Variants in CFAP47 observed in about 807,000 individuals in gnomAD.
CFAP47 encodes cilia and flagella associated protein 47.
In CFAP47, 29 loss-of-function variants were observed where a neutral mutation model predicts 148.1. The observed-to-expected ratio is 0.20, with a 90% confidence interval of 0.15 to 0.27. CFAP47 has a LOEUF of 0.27. CFAP47 is among the 10% of genes least tolerant of loss of function. CFAP47 has a pLI of 1.00. For synonymous variants in CFAP47, 664 were observed against 577.3 expected (o/e 1.15, Z -2.15); for missense variants, 1,872 against 1,697.5 (o/e 1.10, Z -1.81).
rs782517838 is a variant in CFAP47 at position 36,375,289 on chromosome X, A to T, written c.9186-4061A>T. ...CGCCTTTTGATTTCCTATTTGACCT[A>T]TTGGTTGTTCAGGTGCGTGTTAATT... On this transcript the variant is annotated intron_variant, in intron 62 of 63. Transcript: ENST00000378653. The T allele has an allele frequency of 1.3e-4, 21 of 163,177 alleles. 1 individual carries two copies. The Admixed American group carries it at 1.6e-3, about 13-fold the overall frequency. The allele number at this position is 163,177 out of a possible 1,213,427, so 13.4% of individuals were successfully genotyped here. A position where few individuals can be genotyped will look rare whatever the true frequency, so the allele number is the denominator to read the frequency against.
At chrX:36,375,128 CT>C in intron 62 of CFAP47, 1 of 347,566 alleles carries the variant, frequency 2.9e-6, no homozygotes, top group Non-Finnish European at 5.3e-6. Flanking sequence ...GTTTGCCTCT[CT>C]TTTCTGCATG....
At chrX:36,300,727 T>A (rs1390342128) in intron 52 of CFAP47, among the ~76,000 whole-genome samples, 2 of 112,290 alleles carry the variant, frequency 1.8e-5, no homozygotes, top group African/African-American at 3.2e-5. Flanking sequence ...CAACTAAAAC[T>A]AAATTTGACT....
intron 22 of CFAP47, among the ~76,000 whole-genome samples, chrX:36,022,831 T>A (rs2146711896): frequency 8.9e-6 from 1 of 111,763 alleles, no homozygotes; most frequent in African/African-American, 3.2e-5. Context: ...TCCGTCTCTT[T>A]GTTAATCTTA....
At chrX:36,180,670 A>G (rs1481082625) in intron 40 of CFAP47, among the ~76,000 whole-genome samples, 1 of 112,332 alleles carries the variant, frequency 8.9e-6, no homozygotes. Context: ...TATGAGTTGC[A>G]TCTATTATGA....
intron 11 of CFAP47, 84 bp from the exon 12 acceptor site, chrX:35,971,502 C>A: frequency 1.6e-6 from 1 of 616,780 alleles, no homozygotes; most frequent in African/African-American, 2.3e-5. Flanking sequence ...GCAATATGCA[C>A]TATGGGAAAG....
At chrX:36,243,647 G>GTGTGTATATATATA (rs1179341078) in intron 48 of CFAP47, among the ~76,000 whole-genome samples, 1 of 64,232 alleles carries the variant, frequency 1.6e-5, no homozygotes, top group Admixed American at 1.9e-4. Flanking sequence ...ATATGTGTGT[G>GTGTGTATATATATA]TATATATATA....
chrX:35,951,500 AT>A, intron 5 of CFAP47, 141 bp downstream of exon 5: 1 of 506,007 alleles, frequency 2.0e-6, no homozygotes. Context: ...TGTGTATCCA[AT>A]AGCAACCTCA....
intron 49 of CFAP47, among the ~76,000 whole-genome samples, chrX:36,264,397 C>T (rs1940866381): frequency 8.9e-6 from 1 of 111,874 alleles, no homozygotes; most frequent in African/African-American, 3.3e-5. Context: ...CAGTTTATCC[C>T]TTGGTTGCAA....
intron 3 of CFAP47, among the ~76,000 whole-genome samples, chrX:35,946,467 C>G (rs1463734957): frequency 9.0e-6 from 1 of 111,000 alleles, no homozygotes; most frequent in African/African-American, 3.3e-5. Context: ...ATTTATATAC[C>G]TTTTTTTCTT....
At chrX:36,379,673 C>T in intron 63 of CFAP47, 155 bp downstream of exon 63, 1 of 464,139 alleles carries the variant, frequency 2.2e-6, no homozygotes, top group Non-Finnish European at 3.7e-6. Flanking sequence ...TCTTGGTTTA[C>T]CTTTCTTTTG....
intron 49 of CFAP47, among the ~76,000 whole-genome samples, chrX:36,261,237 C>T (rs782070679): frequency 2.0e-5 from 2 of 102,042 alleles, no homozygotes; most frequent in African/African-American, 7.3e-5. Flanking sequence ...CTTATTAAAA[C>T]ACCTGCTATG....
At chrX:36,101,108 G>T (rs1938368783) in intron 32 of CFAP47, among the ~76,000 whole-genome samples, 1 of 111,314 alleles carries the variant, frequency 9.0e-6, no homozygotes, top group Non-Finnish European at 1.9e-5. Flanking sequence ...GAGTATTCTT[G>T]TGCAAAAATT....
chrX:36,055,776 A>G (rs1390710878), intron 26 of CFAP47, among the ~76,000 whole-genome samples: 1 of 112,401 alleles, frequency 8.9e-6, no homozygotes, highest in African/African-American at 3.2e-5. Flanking sequence ...ATTTCCACCA[A>G]CAGTGTAAAA....
At chrX:35,990,654 A>G (rs1936778360) in intron 16 of CFAP47, among the ~76,000 whole-genome samples, 1 of 111,450 alleles carries the variant, frequency 9.0e-6, no homozygotes, top group Non-Finnish European at 1.9e-5. Flanking sequence ...TGCACTGCAC[A>G]TGGTAACACC....
At chrX:36,076,750 A>G (rs1279586233) in intron 29 of CFAP47, among the ~76,000 whole-genome samples, 1 of 111,307 alleles carries the variant, frequency 9.0e-6, no homozygotes, top group African/African-American at 3.3e-5. Context: ...AACTGGTCCC[A>G]CTTGTCACTT....
intron 8 of CFAP47, among the ~76,000 whole-genome samples, chrX:35,965,126 T>A (rs1936384369): frequency 9.0e-6 from 1 of 111,545 alleles, no homozygotes; most frequent in Non-Finnish European, 1.9e-5. Flanking sequence ...GTTGCTTTTT[T>A]GTTGTTGTTT....
chrX:36,247,089 C>T (rs1940625130), intron 48 of CFAP47, among the ~76,000 whole-genome samples: 2 of 111,555 alleles, frequency 1.8e-5, no homozygotes, highest in African/African-American at 6.5e-5. Context: ...GAATACTATA[C>T]ATTCATAAAA....
At chrX:36,077,113 C>G (rs1369711407) in intron 29 of CFAP47, among the ~76,000 whole-genome samples, 1 of 101,712 alleles carries the variant, frequency 9.8e-6, no homozygotes, top group African/African-American at 3.6e-5. Flanking sequence ...GTTTTTATAC[C>G]AGTACCATCC....
chrX:36,119,061 A>G (rs1398547778), intron 33 of CFAP47, among the ~76,000 whole-genome samples: 2 of 111,612 alleles, frequency 1.8e-5, no homozygotes, highest in Middle Eastern at 4.6e-3. Flanking sequence ...GATGCTTATT[A>G]CTTTATTTTC....
Sources: gnomAD v4.1 joint callset for allele counts (sites outside exome capture counted in the v4.1 genomes callset) on GRCh38, gnomAD v4.1.1 for gene constraint, MANE v1.5 for transcripts, NCBI Gene and HGNC (gene_info 2026-07-23, HGNC 2026-07-21) for gene names.